The following BANK1 variants were observed in gnomAD, a reference collection of about 807,000 sequenced individuals.
BANK1 encodes the protein B-cell scaffold protein with ankyrin repeats.
A neutral mutation model predicts 94.5 loss-of-function variants in BANK1; 95 were observed. That is an observed-to-expected ratio of 1.00 (90% CI 0.85 to 1.19). The LOEUF (loss-of-function observed/expected upper bound fraction) is 1.19, where lower values mean the gene tolerates loss of function less well. Ranked by LOEUF, BANK1 falls within the 50% of genes most tolerant of loss-of-function variation. The probability of loss-of-function intolerance (pLI) is 0.00; values close to 1 mark genes in which losing one functional copy is unlikely to be tolerated. For missense variants in BANK1, 987 were observed against 932.2 expected, an observed-to-expected ratio of 1.06 and a Z score of -0.77; for synonymous variants, 334 against 308.4, an observed-to-expected ratio of 1.08 and a Z score of -0.87.
chr4:101,986,821 G>A (rs1039961403), intron 7 of BANK1, among the ~76,000 whole-genome samples: 1 of 132,212 alleles, frequency 7.6e-6, no homozygotes, highest in African/African-American at 2.9e-5. Flanking sequence ...GTATATATAT[G>A]TGTATATATA....
At chr4:101,912,680 G>T (rs1490266921) in intron 6 of BANK1, among the ~76,000 whole-genome samples, 7 of 149,676 alleles carry the variant, frequency 4.7e-5, no homozygotes, top group Non-Finnish European at 1.0e-4. Context: ...TCTGAAATAT[G>T]CAGGGCAGGT....
intron 13 of BANK1, among the ~76,000 whole-genome samples, chr4:102,063,504 T>C (rs1207105293): frequency 6.6e-6 from 1 of 152,040 alleles, no homozygotes; most frequent in African/African-American, 2.4e-5. Context: ...AGGACAACTC[T>C]GCTCAATTTT....
chr4:101,986,801 G>GTATATATATGTATATATATGTGTA (rs1560668012), intron 7 of BANK1, among the ~76,000 whole-genome samples: 40 of 84,552 alleles, frequency 4.7e-4, no homozygotes, highest in Middle Eastern at 6.3e-3. Context: ...ATATATATGT[G>GTATATATATGTATATATATGTGTA]TATATATATG....
chr4:101,823,127 A>C (rs2148860432), intron 1 of BANK1, among the ~76,000 whole-genome samples: 1 of 152,288 alleles, frequency 6.6e-6, no homozygotes, highest in East Asian at 1.9e-4. Context: ...TGCTTCCTAA[A>C]ACCCATTTCT....
chr4:102,051,529 A>C (rs185478601), intron 11 of BANK1, among the ~76,000 whole-genome samples: 409 of 152,340 alleles, frequency 2.7e-3, no homozygotes, highest in Non-Finnish European at 2.9e-3. Flanking sequence ...GCTTACTGGA[A>C]TCTAGAACTA....
intron 10 of BANK1, among the ~76,000 whole-genome samples, chr4:102,035,725 TG>T (rs1727489115): frequency 6.6e-6 from 1 of 152,208 alleles, no homozygotes; most frequent in South Asian, 2.1e-4. Context: ...ATCCCATTGC[TG>T]TTGTACTAAG....
At position 101,893,420 on chromosome 4, in the gene BANK1, C is replaced by T. The variant is rs937886509; in HGVS notation, c.904-1885C>T. Among the ~76,000 whole-genome samples, 11 of 151,992 alleles carry T rather than the reference C, an allele frequency of 7.2e-5. No individual in the cohort carries two copies. The South Asian group carries it at 1.7e-3, about 23-fold the overall frequency. On this transcript the variant is annotated intron_variant, in intron 5 of 16. Coordinates refer to ENST00000322953, the MANE Select transcript of BANK1 (RefSeq NM_017935.5). Reference sequence around the variant, plus strand: ...TTTGTATATTTTTAAAAAGAAATGGCGATGGAGCTCCTCATGTAAAAATGT... The same window carrying T: ...TTTGTATATTTTTAAAAAGAAATGGTGATGGAGCTCCTCATGTAAAAATGT...
At chr4:101,815,750 T>C (rs1725891013) in intron 1 of BANK1, among the ~76,000 whole-genome samples, 1 of 151,828 alleles carries the variant, frequency 6.6e-6, no homozygotes, top group South Asian at 2.1e-4. Context: ...TTTTTTTAAA[T>C]CCAATTTTAT....
chr4:101,898,729 TG>T (rs1722175964), intron 6 of BANK1, among the ~76,000 whole-genome samples: 3 of 152,090 alleles, frequency 2.0e-5, no homozygotes, highest in African/African-American at 7.2e-5. Context: ...TGGTAAATTC[TG>T]GGTTTAGTTT....
intron 7 of BANK1, among the ~76,000 whole-genome samples, chr4:101,997,437 G>A (rs1345128923): frequency 6.6e-6 from 1 of 152,006 alleles, no homozygotes; most frequent in Non-Finnish European, 1.5e-5. Context: ...GGATCATGTT[G>A]GCCTCATAAA....
Position 101,810,972 on chromosome 4 carries a change from C to T in BANK1, c.71-18836C>T, listed in dbSNP as rs374539994. Among the ~76,000 whole-genome samples the T allele has an allele frequency of 3.9e-5, 6 of 152,216 alleles. No homozygotes were observed. The East Asian group carries it at 7.7e-4, about 20-fold the overall frequency. ...GTCACCAGGTCTTAAACCAGGCATGCGGGCTTCATATTTTATCTCTACGAA... is the reference window on the plus strand; with the variant it reads ...GTCACCAGGTCTTAAACCAGGCATGTGGGCTTCATATTTTATCTCTACGAA... On this transcript the variant is annotated intron_variant, in intron 1 of 16. Transcript: ENST00000322953.
chr4:101,851,675 T>A (rs1011442842), intron 2 of BANK1, among the ~76,000 whole-genome samples: 4 of 152,198 alleles, frequency 2.6e-5, no homozygotes, highest in Admixed American at 2.6e-4. Flanking sequence ...CCTACACATT[T>A]AACCCTTGGA....
chr4:101,940,744 C>G (rs1218453957), intron 7 of BANK1, among the ~76,000 whole-genome samples: 1 of 151,716 alleles, frequency 6.6e-6, no homozygotes, highest in African/African-American at 2.4e-5. Context: ...GGTGGAGGAC[C>G]ATTCTTATCA....
chr4:101,809,028 T>C (rs1276071507), intron 1 of BANK1, among the ~76,000 whole-genome samples: 1 of 152,158 alleles, frequency 6.6e-6, no homozygotes, highest in African/African-American at 2.4e-5. Context: ...AGTCATTATA[T>C]GAAAAAGACA....
chr4:102,036,505 C>A (rs1344202816), intron 10 of BANK1, among the ~76,000 whole-genome samples: 2 of 152,172 alleles, frequency 1.3e-5, no homozygotes, highest in African/African-American at 4.8e-5. Context: ...GATAGGTGAC[C>A]TTGTCCAAAC....
At chr4:102,003,111 A>G (rs1245583960) in intron 7 of BANK1, among the ~76,000 whole-genome samples, 1 of 152,154 alleles carries the variant, frequency 6.6e-6, no homozygotes, top group Non-Finnish European at 1.5e-5. Flanking sequence ...CCCTTTTTCA[A>G]GACACCCAAG....
chr4:101,997,628 C>T (rs768522806), intron 7 of BANK1, among the ~76,000 whole-genome samples: 1 of 152,106 alleles, frequency 6.6e-6, no homozygotes, highest in Non-Finnish European at 1.5e-5. Context: ...AGGGATTCGA[C>T]TTCTTCCTGG....
chr4:101,887,960 C>T (rs530672178), intron 5 of BANK1, among the ~76,000 whole-genome samples: 32 of 152,200 alleles, frequency 2.1e-4, no homozygotes, highest in Non-Finnish European at 4.0e-4. Context: ...TTGCTTTGCT[C>T]TTTTTTTCTA....
intron 1 of BANK1, among the ~76,000 whole-genome samples, chr4:101,815,840 T>C (rs2148856578): frequency 6.6e-6 from 1 of 152,278 alleles, no homozygotes; most frequent in African/African-American, 2.4e-5. Flanking sequence ...TAAACTTCAC[T>C]TTTAAAAGTG....
Sources: allele counts gnomAD v4.1 joint callset (sites outside exome capture counted in the v4.1 genomes callset), GRCh38; gene constraint gnomAD v4.1.1; transcripts MANE v1.5; gene names NCBI Gene and HGNC (gene_info 2026-07-23, HGNC 2026-07-21).